The following ADAM22 variants were observed in gnomAD, a reference collection of about 807,000 sequenced individuals.
ADAM22 encodes ADAM metallopeptidase domain 22, also known as disintegrin and metalloproteinase domain-containing protein 22.
A neutral mutation model predicts 144.6 loss-of-function variants in ADAM22; 65 were observed. That is an observed-to-expected ratio of 0.45 (90% CI 0.37 to 0.55). ADAM22 has a LOEUF of 0.55. ADAM22 is among the 20% of genes least tolerant of loss of function. The pLI is 0.00. For missense variants in ADAM22, 974 were observed against 1,184.9 expected, an observed-to-expected ratio of 0.82 and a Z score of 2.61; for synonymous variants, 391 against 412.6, an observed-to-expected ratio of 0.95 and a Z score of 0.63.
intron 18 of ADAM22, among the ~76,000 whole-genome samples, chr7:88,149,313 C>T (rs1334139170): frequency 6.6e-6 from 1 of 152,096 alleles, no homozygotes; most frequent in Non-Finnish European, 1.5e-5. Context: ...GTAGGTAGTA[C>T]AAGGCATTTT....
chr7:87,978,579 C>T (rs1852475858), intron 3 of ADAM22, among the ~76,000 whole-genome samples, 167 bp downstream of exon 3: 1 of 152,080 alleles, frequency 6.6e-6, no homozygotes, highest in South Asian at 2.1e-4. Context: ...TGGCAGATAA[C>T]AAGAAATATA....
chr7:88,074,359 A>G (rs998886276), intron 3 of ADAM22, among the ~76,000 whole-genome samples: 1 of 152,196 alleles, frequency 6.6e-6, no homozygotes, highest in Non-Finnish European at 1.5e-5. Flanking sequence ...TATACTTTAT[A>G]CATCTGTGAA....
intron 3 of ADAM22, among the ~76,000 whole-genome samples, chr7:88,055,301 GT>G (rs1807896465): frequency 6.6e-6 from 1 of 151,846 alleles, no homozygotes; most frequent in Non-Finnish European, 1.5e-5. Context: ...GGAGACCAAG[GT>G]GACAGGGTTT....
intron 7 of ADAM22, among the ~76,000 whole-genome samples, chr7:88,118,908 TG>T (rs1163198820): frequency 6.6e-6 from 1 of 152,142 alleles, no homozygotes; most frequent in East Asian, 1.9e-4. Context: ...AAACAAGAAA[TG>T]GACAAATAAA....
chr7:88,111,235 C>T (rs1825963055), intron 5 of ADAM22, among the ~76,000 whole-genome samples: 2 of 151,994 alleles, frequency 1.3e-5, no homozygotes, highest in Admixed American at 6.5e-5. Flanking sequence ...CTTGACTTTA[C>T]TTTCTGGAAG....
chr7:88,108,044 C>T, intron 4 of ADAM22, 132 bp from the exon 5 acceptor site: 2 of 635,024 alleles, frequency 3.1e-6, no homozygotes, highest in Non-Finnish European at 5.3e-6. Flanking sequence ...TTTGATAATG[C>T]TAATCTGAAT....
At chr7:88,049,748 A>T (rs934395298) in intron 3 of ADAM22, among the ~76,000 whole-genome samples, 1 of 152,188 alleles carries the variant, frequency 6.6e-6, no homozygotes, top group Non-Finnish European at 1.5e-5. Context: ...TTTGGGGTGA[A>T]AGGGATGATT....
chr7:88,174,002 T>C (rs1844995428), intron 26 of ADAM22, among the ~76,000 whole-genome samples: 1 of 152,112 alleles, frequency 6.6e-6, no homozygotes, highest in African/African-American at 2.4e-5. Flanking sequence ...AATGTAAACT[T>C]TTGCTTTGAC....
intron 7 of ADAM22, among the ~76,000 whole-genome samples, chr7:88,121,425 A>G (rs1585919910): frequency 6.6e-6 from 1 of 152,296 alleles, no homozygotes; most frequent in Admixed American, 6.5e-5. Flanking sequence ...TTACTCTAAA[A>G]CTTAGTGGCT....
chr7:88,088,753 A>G (rs1819075816), intron 4 of ADAM22, among the ~76,000 whole-genome samples: 1 of 152,206 alleles, frequency 6.6e-6, no homozygotes, highest in Non-Finnish European at 1.5e-5. Flanking sequence ...AAGGTACACA[A>G]CGTGTTAGAG....
intron 3 of ADAM22, among the ~76,000 whole-genome samples, chr7:88,040,136 T>A (rs937627712): frequency 4.0e-5 from 6 of 151,880 alleles, no homozygotes; most frequent in Non-Finnish European, 7.4e-5. Context: ...ATTTTTTTTT[T>A]AATTTTATTT....
At chr7:88,057,719 T>G (rs889813697) in intron 3 of ADAM22, among the ~76,000 whole-genome samples, 1 of 152,208 alleles carries the variant, frequency 6.6e-6, no homozygotes, top group Non-Finnish European at 1.5e-5. Flanking sequence ...TAATTGTAAG[T>G]TGGCTGATAT....
At chr7:88,156,478 T>C (rs1421442401) in intron 22 of ADAM22, among the ~76,000 whole-genome samples, 2 of 152,122 alleles carry the variant, frequency 1.3e-5, no homozygotes, top group Non-Finnish European at 2.9e-5. Context: ...ACATGACTTA[T>C]CAAAGCTGAG....
intron 3 of ADAM22, among the ~76,000 whole-genome samples, chr7:88,062,984 G>T (rs939967842): frequency 2.0e-5 from 3 of 152,074 alleles, no homozygotes; most frequent in African/African-American, 7.2e-5. Flanking sequence ...AACATCAAAG[G>T]TCACTGATTA....
intron 20 of ADAM22, among the ~76,000 whole-genome samples, chr7:88,152,674 T>TTTG (rs34456405): frequency 2.2e-4 from 34 of 151,828 alleles, no homozygotes; most frequent in Middle Eastern, 3.4e-3. Context: ...GCCAAATTCT[T>TTTG]TTGTTGTTGT....
chr7:88,044,292 A>T (rs1803937396), intron 3 of ADAM22, among the ~76,000 whole-genome samples: 1 of 152,162 alleles, frequency 6.6e-6, no homozygotes, highest in South Asian at 2.1e-4. Context: ...ATCATCTATG[A>T]TTATGATGAT....
At chr7:87,982,068 T>TACACAC (rs1175758724) in intron 3 of ADAM22, among the ~76,000 whole-genome samples, 1,605 of 93,632 alleles carry the variant, frequency 0.017, 14 homozygotes, top group Middle Eastern at 0.027. Flanking sequence ...TATATATATA[T>TACACAC]ACACACACAC....
intron 2 of ADAM22, among the ~76,000 whole-genome samples, chr7:87,956,637 TCTA>T (rs1846841083): frequency 6.6e-6 from 1 of 152,188 alleles, no homozygotes; most frequent in African/African-American, 2.4e-5. Context: ...CACCCACTGA[TCTA>T]CTTTCTGTCT....
At chr7:88,135,797 G>A (rs1035733130) in intron 13 of ADAM22, among the ~76,000 whole-genome samples, 183 bp from the exon 14 acceptor site, 35 of 152,028 alleles carry the variant, frequency 2.3e-4, no homozygotes, top group Admixed American at 2.2e-3. Context: ...TCTTGATAGG[G>A]TCAAAGTATA....
Sources: gnomAD v4.1 joint callset for allele counts (sites outside exome capture counted in the v4.1 genomes callset) on GRCh38, gnomAD v4.1.1 for gene constraint, MANE v1.5 for transcripts, NCBI Gene and HGNC (gene_info 2026-07-23, HGNC 2026-07-21) for gene names.